Variants in PKP1 observed in about 807,000 individuals in gnomAD.
PKP1 encodes plakophilin-1.
A neutral mutation model predicts 76.4 loss-of-function variants in PKP1; 27 were observed. The ratio of observed to expected loss-of-function variants is 0.35; its 90% CI spans 0.26 to 0.49. The LOEUF is 0.49. Among genes scored for constraint, PKP1 ranks in the 20% least tolerant of loss-of-function variants. The pLI is 0.99. For synonymous variants in PKP1, 404 were observed against 384.2 expected, an observed-to-expected ratio of 1.05 and a Z score of -0.60; for missense variants, 964 against 955.2, an observed-to-expected ratio of 1.01 and a Z score of -0.12.
At chr1:201,299,219 C>T (rs1164107272) in intron 2 of PKP1, among the ~76,000 whole-genome samples, 1 of 152,214 alleles carries the variant, frequency 6.6e-6, no homozygotes, top group Non-Finnish European at 1.5e-5. Context: ...CTTCACTAGC[C>T]ATGTGACTCT....
At chr1:201,319,337 G>C (rs917739758) in intron 6 of PKP1, among the ~76,000 whole-genome samples, 1 of 151,178 alleles carries the variant, frequency 6.6e-6, no homozygotes, top group South Asian at 2.1e-4. Context: ...ACAAGCTGGC[G>C]AAATGGGTGG....
chr1:201,291,835 C>T (rs887260487), intron 1 of PKP1, among the ~76,000 whole-genome samples: 3 of 152,206 alleles, frequency 2.0e-5, no homozygotes, highest in African/African-American at 7.2e-5. Context: ...CACCTAGGGT[C>T]CTGACTATGA....
At chr1:201,307,984 C>T (rs2102168030) in intron 2 of PKP1, among the ~76,000 whole-genome samples, 1 of 152,274 alleles carries the variant, frequency 6.6e-6, no homozygotes, top group Admixed American at 6.5e-5. Flanking sequence ...CCGGCCCCAC[C>T]CTGCTGGCAG....
chr1:201,321,891 G>C, intron 7 of PKP1, 87 bp from the exon 8 acceptor site: 1 of 1,504,440 alleles, frequency 6.6e-7, no homozygotes, highest in Non-Finnish European at 9.2e-7. Context: ...AGGTGCCTCT[G>C]CTCTCTTATT....
chr1:201,318,471 C>G, intron 5 of PKP1, 147 bp from the exon 6 acceptor site: 1 of 695,846 alleles, frequency 1.4e-6, no homozygotes, highest in Non-Finnish European at 2.6e-6. Context: ...ATGACACAGA[C>G]AGACAATAGG....
At chr1:201,303,950 C>A (rs1270398591) in intron 2 of PKP1, among the ~76,000 whole-genome samples, 1 of 152,202 alleles carries the variant, frequency 6.6e-6, no homozygotes, top group African/African-American at 2.4e-5. Flanking sequence ...ACCTGCCCCA[C>A]GCCTGGCTGA....
chr1:201,311,148 C>T (rs1439490161), intron 2 of PKP1, among the ~76,000 whole-genome samples: 1 of 152,238 alleles, frequency 6.6e-6, no homozygotes, highest in African/African-American at 2.4e-5. Context: ...TTTGGCAATG[C>T]TGGGCTTCCC....
At chr1:201,312,129 T>C (rs1324907341) in intron 2 of PKP1, among the ~76,000 whole-genome samples, 2 of 152,144 alleles carry the variant, frequency 1.3e-5, no homozygotes, top group African/African-American at 4.8e-5. Context: ...CCTGCCTCCA[T>C]GTGTGCACGC....
chr1:201,299,172 C>T (rs921212053), intron 2 of PKP1, among the ~76,000 whole-genome samples: 13 of 152,194 alleles, frequency 8.5e-5, no homozygotes, highest in Non-Finnish European at 1.5e-4. Context: ...AGAGACAGCC[C>T]GGAGTGGAGG....
rs1657332780 is a variant in PKP1 at position 201,331,799 on chromosome 1, G to A, written c.*1758G>A. ...TGTTAGCCAGCTGTGCTGTGGTGCTGTGGGTCTGTCATACCCTCCCTTGCT... is the reference window on the plus strand; with the variant it reads ...TGTTAGCCAGCTGTGCTGTGGTGCTATGGGTCTGTCATACCCTCCCTTGCT... On this transcript the variant is annotated 3_prime_UTR_variant, in exon 14 of 14. Transcript: ENST00000367324. 1 of 152,222 alleles carries A rather than the reference G, an allele frequency of 6.6e-6. No homozygotes were observed. The highest frequency in any genetic ancestry group is 2.1e-4 in the South Asian group (1 of 4,820). The allele number at this position is 152,222 out of a possible 1,614,324, so 9.4% of individuals were successfully genotyped here.
chr1:201,327,651 C>T (rs763419183), intron 12 of PKP1, among the ~76,000 whole-genome samples: 12 of 152,108 alleles, frequency 7.9e-5, no homozygotes, highest in Admixed American at 6.5e-4. Context: ...CCACTGACAT[C>T]GCTCTCGGTG....
intron 2 of PKP1, among the ~76,000 whole-genome samples, chr1:201,295,753 C>T (rs1250882206): frequency 6.6e-6 from 1 of 152,152 alleles, no homozygotes; most frequent in Non-Finnish European, 1.5e-5. Flanking sequence ...AATGATGATA[C>T]TCGTGTGTCT....
At chr1:201,289,502 G>A (rs1339153761) in intron 1 of PKP1, among the ~76,000 whole-genome samples, 1 of 152,152 alleles carries the variant, frequency 6.6e-6, no homozygotes, top group Non-Finnish European at 1.5e-5. Context: ...GAGGGAAAGT[G>A]GAAAAAGCGG....
chr1:201,319,255 T>A (rs1656862933), intron 6 of PKP1, among the ~76,000 whole-genome samples: 1 of 152,212 alleles, frequency 6.6e-6, no homozygotes, highest in Non-Finnish European at 1.5e-5. Flanking sequence ...CAAAGTTGCC[T>A]AAGTTCCATA....
intron 4 of PKP1, 113 bp downstream of exon 4, chr1:201,316,810 T>G: frequency 8.6e-7 from 1 of 1,161,124 alleles, no homozygotes; most frequent in Admixed American, 1.9e-5. Context: ...TCTCTTGCCT[T>G]GCCCAGCTGC....
chr1:201,316,365 C>A (rs973218202), intron 3 of PKP1, 188 bp from the exon 4 acceptor site: 6 of 615,472 alleles, frequency 9.7e-6, no homozygotes, highest in Non-Finnish European at 1.7e-5. Flanking sequence ...GTGGGTGTAG[C>A]CTTCCCTCCT....
At chr1:201,310,627 C>T (rs116330554) in intron 2 of PKP1, among the ~76,000 whole-genome samples, 3,580 of 152,244 alleles carry the variant, frequency 0.024, 136 homozygotes, top group African/African-American at 0.08. Flanking sequence ...TTGGGGAGGA[C>T]GGGGTCTGAG....
chr1:201,317,627 A>G lies in PKP1; in HGVS notation c.902A>G (p.Gln301Arg). The G allele has an allele frequency of 6.2e-7, 1 of 1,614,044 alleles. No homozygotes were observed. The highest frequency in any genetic ancestry group is 1.1e-5 in the South Asian group (1 of 91,080). Residue 301 changes from glutamine to arginine, a missense_variant, in exon 5 of 14, where the codon CAG (glutamine) becomes CGG (arginine). By Grantham distance (43) the Gln-to-Arg change is conservative. Coordinates refer to ENST00000367324, the MANE Select transcript of PKP1 (RefSeq NM_001005337.3). ...KLVDLLRSPN[Q>R]NVQQAAAGAL... ...GTGGACCTCCTCCGCAGCCCCAACC[A>G]GAACGTCCAGCAGGCCGCGGCAGGG...
At chr1:201,283,985 C>A (rs1362052593) in intron 1 of PKP1, 81 bp downstream of exon 1, 7 of 1,304,892 alleles carry the variant, frequency 5.4e-6, no homozygotes, top group Non-Finnish European at 1.1e-6. Flanking sequence ...GAGACGCACG[C>A]ATCCCCGGGG....
Sources: allele counts gnomAD v4.1 joint callset (sites outside exome capture counted in the v4.1 genomes callset), GRCh38; gene constraint gnomAD v4.1.1; transcripts MANE v1.5; gene names NCBI Gene and HGNC (gene_info 2026-07-23, HGNC 2026-07-21).